Variants in LRP1B observed in about 807,000 individuals in gnomAD.
LRP1B encodes the protein LDL receptor related protein 1B.
In LRP1B, 217 loss-of-function variants were observed where a neutral mutation model predicts 556.6. The ratio of observed to expected loss-of-function variants is 0.39; its 90% CI spans 0.35 to 0.44. The LOEUF (loss-of-function observed/expected upper bound fraction) is 0.44. Among genes scored for constraint, LRP1B ranks in the 20% least tolerant of loss-of-function variants. LRP1B has a pLI of 1.00. For synonymous variants in LRP1B, 2,047 were observed against 1,865.8 expected (o/e 1.10, Z -2.50); for missense variants, 5,053 against 5,620.8 (o/e 0.90, Z 3.23).
chr2:141,137,384 A>T (rs1036692880), intron 7 of LRP1B, among the ~76,000 whole-genome samples: 2 of 151,874 alleles, frequency 1.3e-5, no homozygotes, highest in Non-Finnish European at 2.9e-5. Context: ...CAAACAGTTT[A>T]CCAGAATTTC....
At chr2:140,286,293 T>C (rs1279555966) in intron 84 of LRP1B, among the ~76,000 whole-genome samples, 1 of 151,864 alleles carries the variant, frequency 6.6e-6, no homozygotes, top group Admixed American at 6.6e-5. Flanking sequence ...GTTCGTCCTA[T>C]TCTGAAACTA....
intron 1 of LRP1B, among the ~76,000 whole-genome samples, chr2:142,042,270 C>T (rs980352166): frequency 6.6e-6 from 1 of 151,158 alleles, no homozygotes; most frequent in African/African-American, 2.4e-5. Context: ...AAATTAAAAC[C>T]CCAGAATTTA....
intron 35 of LRP1B, among the ~76,000 whole-genome samples, chr2:140,757,600 G>A (rs975899332): frequency 1.3e-5 from 2 of 152,206 alleles, no homozygotes; most frequent in East Asian, 1.9e-4. Flanking sequence ...ACAGAAAGCA[G>A]GCTAGATGCA....
At chr2:140,515,127 T>G (rs1057459152) in intron 50 of LRP1B, among the ~76,000 whole-genome samples, 2 of 152,050 alleles carry the variant, frequency 1.3e-5, no homozygotes, top group African/African-American at 2.4e-5. Flanking sequence ...TAGTCATACT[T>G]TTTAACTTTA....
intron 3 of LRP1B, among the ~76,000 whole-genome samples, chr2:141,329,111 G>A (rs1344638979): frequency 6.6e-6 from 1 of 152,152 alleles, no homozygotes; most frequent in Non-Finnish European, 1.5e-5. Flanking sequence ...AGGCTGACCA[G>A]GCACAGTGGC....
At chr2:141,791,607 G>C (rs1297874270) in intron 2 of LRP1B, among the ~76,000 whole-genome samples, 1 of 151,842 alleles carries the variant, frequency 6.6e-6, no homozygotes, top group Non-Finnish European at 1.5e-5. Context: ...GGCACATTTA[G>C]GAAAATTCCA....
intron 87 of LRP1B, among the ~76,000 whole-genome samples, chr2:140,240,098 C>T (rs1463180625): frequency 6.6e-6 from 1 of 150,784 alleles, no homozygotes; most frequent in African/African-American, 2.4e-5. Context: ...TATTTAAATG[C>T]TTTGAGGCTC....
At chr2:141,075,589 T>C (rs1699765718) in intron 7 of LRP1B, among the ~76,000 whole-genome samples, 2 of 152,190 alleles carry the variant, frequency 1.3e-5, no homozygotes, top group African/African-American at 2.4e-5. Context: ...AAGTATTTGA[T>C]GTAATATATT....
At chr2:140,842,291 G>A (rs946142435) in intron 29 of LRP1B, among the ~76,000 whole-genome samples, 1 of 152,194 alleles carries the variant, frequency 6.6e-6, no homozygotes, top group African/African-American at 2.4e-5. Flanking sequence ...TGGGGGCCTG[G>A]CAGTTCTGAG....
intron 3 of LRP1B, among the ~76,000 whole-genome samples, chr2:141,402,919 T>TATCC (rs1401423871): frequency 6.6e-6 from 1 of 152,114 alleles, no homozygotes; most frequent in East Asian, 1.9e-4. Flanking sequence ...TCTTCACTTA[T>TATCC]ATCCAACCAT....
intron 2 of LRP1B, among the ~76,000 whole-genome samples, chr2:141,673,400 C>A (rs1242541141): frequency 6.6e-6 from 1 of 152,192 alleles, no homozygotes; most frequent in Non-Finnish European, 1.5e-5. Context: ...CAAGAAAAAT[C>A]TTCAAATGTT....
intron 6 of LRP1B, among the ~76,000 whole-genome samples, chr2:141,221,946 A>G (rs1683059897): frequency 6.6e-6 from 1 of 152,210 alleles, no homozygotes; most frequent in Non-Finnish European, 1.5e-5. Flanking sequence ...AGGGAAATTT[A>G]TAGCACTAAG....
intron 2 of LRP1B, among the ~76,000 whole-genome samples, chr2:141,693,963 A>C (rs941429144): frequency 6.6e-6 from 1 of 152,094 alleles, no homozygotes; most frequent in Non-Finnish European, 1.5e-5. Context: ...GCCTAAAAAC[A>C]CAAACAAAGT....
chr2:140,901,737 TTAAA>T (rs1424938880), intron 23 of LRP1B, among the ~76,000 whole-genome samples: 11 of 152,190 alleles, frequency 7.2e-5, no homozygotes, highest in African/African-American at 1.9e-4. Flanking sequence ...CTTATTGAAA[TTAAA>T]TAATTTTTGA....
intron 20 of LRP1B, among the ~76,000 whole-genome samples, chr2:140,923,421 AGT>A (rs746974463): frequency 6.6e-6 from 1 of 152,080 alleles, no homozygotes; most frequent in Non-Finnish European, 1.5e-5. Flanking sequence ...GAAAAGAAGA[AGT>A]AAGATAATTT....
intron 13 of LRP1B, among the ~76,000 whole-genome samples, chr2:141,015,304 A>G (rs112425318): frequency 6.6e-6 from 1 of 152,112 alleles, no homozygotes; most frequent in African/African-American, 2.4e-5. Context: ...TACTTACTCA[A>G]CTAAATACAA....
At chr2:140,540,904 A>T (rs2105016001) in intron 45 of LRP1B, 69 bp downstream of exon 45, 1 of 1,517,560 alleles carries the variant, frequency 6.6e-7, no homozygotes, top group Non-Finnish European at 9.0e-7. Context: ...ATACACTAAC[A>T]CAATTTCAGT....
chr2:141,779,479 G>A (rs1262139666), intron 2 of LRP1B, among the ~76,000 whole-genome samples: 2 of 149,512 alleles, frequency 1.3e-5, no homozygotes, highest in African/African-American at 2.5e-5. Flanking sequence ...GCATGAAGTG[G>A]AGCAATCTCA....
chr2:140,803,869 C>A (rs1174334104), intron 32 of LRP1B, among the ~76,000 whole-genome samples: 2 of 126,320 alleles, frequency 1.6e-5, no homozygotes, highest in Non-Finnish European at 1.7e-5. Flanking sequence ...CCTCCCCCAC[C>A]CCCCCAACCC....
Sources: gnomAD v4.1 joint callset for allele counts (sites outside exome capture counted in the v4.1 genomes callset) on GRCh38, gnomAD v4.1.1 for gene constraint, MANE v1.5 for transcripts, NCBI Gene and HGNC (gene_info 2026-07-23, HGNC 2026-07-21) for gene names.